The following CASP8 variants were observed in gnomAD, a reference collection of about 807,000 sequenced individuals.
CASP8 encodes caspase-8.
A neutral mutation model predicts 46.3 loss-of-function variants in CASP8; 24 were observed. The observed-to-expected ratio is 0.52, with a 90% CI of 0.38 to 0.73. CASP8 has a LOEUF of 0.73. Ranked by LOEUF, CASP8 falls within the 30% of genes least tolerant of loss-of-function variation. The probability of loss-of-function intolerance (pLI) is 0.00; values close to 1 mark genes in which losing one functional copy is unlikely to be tolerated. For synonymous variants in CASP8, 188 were observed against 200.4 expected (o/e 0.94, Z 0.52); for missense variants, 460 against 559.0 (o/e 0.82, Z 1.79).
In CASP8 at chr2:201,276,773, T is replaced by A. The variant is rs1392523211; in HGVS notation, c.661-54T>A. The stretch of plus-strand genomic sequence containing the variant: ...CTTACTAGGGAGTTGTTTGTTTACA[T>A]CTCTAGTGTTTGACCCACAGAGTCA... On this transcript the variant is annotated intron_variant, in intron 6 of 8. Transcript: ENST00000673742. 2.5e-6 allele frequency: 4 copies of A among 1,612,172 alleles called. No homozygotes were observed. In the South Asian group the frequency reaches 4.4e-5, roughly 18 times the overall value.
Position 201,271,730 on chromosome 2 carries a change from T to C in CASP8, c.411+109T>C, listed in dbSNP as rs1406790070. 6 of 736,574 alleles carry C rather than the reference T, an allele frequency of 8.1e-6. No homozygotes were observed. In the East Asian group the frequency reaches 1.3e-4, roughly 16 times the overall value. The allele number at this position is 736,574 out of a possible 1,614,324, so 45.6% of individuals were successfully genotyped here. On this transcript the variant is annotated intron_variant, in intron 3 of 8. Coordinates refer to ENST00000673742, the MANE Select transcript of CASP8 (RefSeq NM_001372051.1). ...TGGTAAAAGCAACCTGGATTCTCAC[T>C]TTTTAACTAGAAGAAGAAAGTTGTC...
At chr2:201,248,582 T>C (rs1946637349) in intron 2 of CASP8, among the ~76,000 whole-genome samples, 1 of 152,224 alleles carries the variant, frequency 6.6e-6, no homozygotes, top group Non-Finnish European at 1.5e-5. Context: ...GACACCATTG[T>C]GTAATTTCTA....
intron 7 of CASP8, 128 bp downstream of exon 7, chr2:201,277,096 C>T: frequency 2.8e-6 from 2 of 709,342 alleles, no homozygotes; most frequent in South Asian, 1.6e-5. Context: ...AACATATTTC[C>T]CTGTGGAGGT....
At chr2:201,248,088 C>A (rs1353876267) in intron 2 of CASP8, among the ~76,000 whole-genome samples, 1 of 152,194 alleles carries the variant, frequency 6.6e-6, no homozygotes, top group Non-Finnish European at 1.5e-5. Context: ...ACAGCACCAC[C>A]TATTAGTGAA....
intron 6 of CASP8, among the ~76,000 whole-genome samples, chr2:201,275,978 T>A (rs1948606808): frequency 6.6e-6 from 1 of 152,186 alleles, no homozygotes; most frequent in African/African-American, 2.4e-5. Context: ...GGTACAAACT[T>A]AATCAAATAT....
upstream of CASP8, among the ~76,000 whole-genome samples, chr2:201,257,766 G>A (rs940810163): frequency 6.6e-6 from 1 of 152,184 alleles, no homozygotes; most frequent in East Asian, 1.9e-4. Context: ...GGGAGGAGAG[G>A]GCTGGTCTGT....
In CASP8 at chr2:201,285,007, C is replaced by A. The variant is rs779065011; in HGVS notation, c.994C>A (p.Pro332Thr). 6.2e-7 allele frequency: 1 copy of A among 1,614,120 alleles called. No homozygotes were observed. The highest frequency in any genetic ancestry group is 1.1e-5 in the South Asian group (1 of 91,084). ...IIYGTDGQEA[P>T]IYELTSQFTG... ...CTATGGCACTGATGGACAGGAGGCC[C>A]CCATCTATGAGCTGACATCTCAGTT... Residue 332 changes from proline to threonine, a missense_variant, in exon 8 of 9, where the codon CCC (proline) becomes ACC (threonine). Transcript: ENST00000673742.
At chr2:201,238,724 T>C (rs1369473960) in intron 2 of CASP8, among the ~76,000 whole-genome samples, 2 of 152,324 alleles carry the variant, frequency 1.3e-5, no homozygotes, top group East Asian at 3.9e-4. Context: ...ATTACAGGTG[T>C]GAGCCACTGC....
chr2:201,258,217 A>G (rs568542331), upstream of CASP8: 44 of 1,605,872 alleles, frequency 2.7e-5, no homozygotes, highest in Non-Finnish European at 3.7e-5. Context: ...AGTCAACTCA[A>G]CAGGAAGTGA....
chr2:201,271,880 C>G (rs1948275554), intron 3 of CASP8, among the ~76,000 whole-genome samples: 1 of 152,200 alleles, frequency 6.6e-6, no homozygotes, highest in African/African-American at 2.4e-5. Context: ...CCCGGCAGAG[C>G]TGGGAAAGAC....
At chr2:201,268,459 G>T (rs763711872) in intron 2 of CASP8, among the ~76,000 whole-genome samples, 118 of 152,200 alleles carry the variant, frequency 7.8e-4, no homozygotes, top group Non-Finnish European at 1.6e-3. Context: ...GCTGAGGCAG[G>T]AGAATTGCTT....
intron 7 of CASP8, among the ~76,000 whole-genome samples, chr2:201,278,986 G>T (rs766930940): frequency 7.9e-5 from 12 of 152,040 alleles, no homozygotes; most frequent in Non-Finnish European, 1.5e-4. Context: ...ATTTGGGGGA[G>T]TTGAAAAAAA....
rs992289750 is a variant in CASP8 at position 201,266,111 on chromosome 2, C to G, written c.-26-350C>G. Among the ~76,000 whole-genome samples, 1 of 152,122 alleles carries G rather than the reference C, an allele frequency of 6.6e-6. No homozygotes were observed. The highest frequency in any genetic ancestry group is 2.4e-5 in the African/African-American group (1 of 41,432). ...TCTCCTGCCCCAGCCTCCTGAGTAGCTGGGATTACAGGCACGTGCCTCCAC... is the reference window on the plus strand; with the variant it reads ...TCTCCTGCCCCAGCCTCCTGAGTAGGTGGGATTACAGGCACGTGCCTCCAC... On this transcript the variant is annotated intron_variant, in intron 1 of 8. Transcript: ENST00000673742. This position sits in a 1 kb window ranked among gnomAD's most constrained non-coding sequence, Gnocchi z 5.7.
chr2:201,275,518 G>A (rs1302715348), intron 6 of CASP8, among the ~76,000 whole-genome samples: 3 of 152,184 alleles, frequency 2.0e-5, no homozygotes, highest in East Asian at 3.8e-4. Flanking sequence ...TCCTCCTCAT[G>A]GTAGGAAGAA....
intron 2 of CASP8, among the ~76,000 whole-genome samples, chr2:201,239,849 G>A (rs190447211): frequency 6.6e-6 from 1 of 152,336 alleles, no homozygotes; most frequent in Admixed American, 6.5e-5. Flanking sequence ...GGCTTCTGAT[G>A]CAAGCTGGGA....
intron 2 of CASP8, among the ~76,000 whole-genome samples, chr2:201,244,847 G>C (rs1034929969): frequency 6.6e-6 from 1 of 152,180 alleles, no homozygotes; most frequent in African/African-American, 2.4e-5. Context: ...GTTCCCCAGA[G>C]AGACTGAGGC....
rs541260660 is a variant in CASP8, at chr2:201,236,906, A to G, written c.-27+2794A>G. ...CAGGCGTGGGCCACTGTGCCTGGCCAGACAGAAGTTTTCAAGTAAAGAATA... is the reference window on the plus strand; with the variant it reads ...CAGGCGTGGGCCACTGTGCCTGGCCGGACAGAAGTTTTCAAGTAAAGAATA... On this transcript the variant is annotated intron_variant, in intron 2 of 6. Transcript: ENST00000264274. Among the ~76,000 whole-genome samples the G allele has an allele frequency of 7.9e-5, 12 of 152,100 alleles. 1 individual carries two copies. The highest frequency in any genetic ancestry group is 2.4e-4 in the African/African-American group (10 of 41,502).
chr2:201,262,807 T>G (rs1947518642), intron 1 of CASP8, among the ~76,000 whole-genome samples: 1 of 152,214 alleles, frequency 6.6e-6, no homozygotes, highest in African/African-American at 2.4e-5. Flanking sequence ...CCCCTTACAG[T>G]GCTGGATGGC....
intron 2 of CASP8, chr2:201,241,498 A>C (rs1167372034): frequency 2.0e-5 from 3 of 152,238 alleles, no homozygotes; most frequent in Non-Finnish European, 2.9e-5. Context: ...TGACTGAATC[A>C]TGAAGAAATA....
Sources: gnomAD v4.1 joint callset for allele counts (sites outside exome capture counted in the v4.1 genomes callset) on GRCh38, gnomAD v4.1.1 for gene constraint, Gnocchi (gnomAD v3.1) non-coding constraint, MANE v1.5 for transcripts, NCBI Gene and HGNC (gene_info 2026-07-23, HGNC 2026-07-21) for gene names.